EML6: variants seen among roughly 807,000 people sequenced by gnomAD.
EML6 encodes EMAP like 6.
A neutral mutation model predicts 240.1 loss-of-function variants in EML6; 154 were observed. The observed-to-expected ratio is 0.64, with a 90% CI of 0.56 to 0.73. The LOEUF is 0.73. Ranked by LOEUF, EML6 falls within the 30% of genes least tolerant of loss-of-function variation. The pLI is 0.00. For missense variants in EML6, 2,964 were observed against 2,474.6 expected (o/e 1.20, Z -4.20); for synonymous variants, 1,148 against 899.0 (o/e 1.28, Z -4.95).
At chr2:54,776,144 T>G (rs941925646) in intron 2 of EML6, among the ~76,000 whole-genome samples, 8 of 152,184 alleles carry the variant, frequency 5.3e-5, no homozygotes, top group African/African-American at 1.9e-4. Flanking sequence ...TTGTTGTGTT[T>G]TGTTTTGCCT....
chr2:54,801,632 C>T (rs73935221), intron 2 of EML6, among the ~76,000 whole-genome samples: 4,696 of 152,250 alleles, frequency 0.031, 247 homozygotes, highest in African/African-American at 0.11. Flanking sequence ...AAAGGAAAAT[C>T]GGTGACCTTG....
At chr2:54,958,621 A>T (rs1289676259) in intron 33 of EML6, among the ~76,000 whole-genome samples, 1 of 152,186 alleles carries the variant, frequency 6.6e-6, no homozygotes, top group East Asian at 1.9e-4. Context: ...TCCACTGTAG[A>T]TAATGATCCT....
Position 54,820,322 on chromosome 2 carries a change from A to G in EML6, c.457-72A>G, listed in dbSNP as rs536257489. ...TAAATGTTATAGTAGAGTCTTGGCAATTGGACTAGTATTGGGAAAAGGCAA... is the reference window on the plus strand; with the variant it reads ...TAAATGTTATAGTAGAGTCTTGGCAGTTGGACTAGTATTGGGAAAAGGCAA... On this transcript the variant is annotated intron_variant, in intron 4 of 41. Coordinates refer to ENST00000356458, the MANE Select transcript of EML6 (RefSeq NM_001039753.4). The G allele has an allele frequency of 6.3e-5, 53 of 836,896 alleles. 1 individual carries two copies. In the East Asian group the frequency reaches 1.3e-3, roughly 21 times the overall value. The allele number at this position is 836,896 out of a possible 1,614,324, so 51.8% of individuals were successfully genotyped here. A position where few individuals can be genotyped will look rare whatever the true frequency, so the allele number is the denominator to read the frequency against.
intron 30 of EML6, 140 bp from the exon 31 acceptor site, chr2:54,952,454 T>G: frequency 3.5e-6 from 2 of 573,678 alleles, no homozygotes; most frequent in South Asian, 4.8e-5. Flanking sequence ...TCCCCAAGTG[T>G]GATTCTGGAA....
intron 25 of EML6, among the ~76,000 whole-genome samples, chr2:54,915,949 A>G (rs1396121195): frequency 6.6e-6 from 1 of 152,204 alleles, no homozygotes; most frequent in Non-Finnish European, 1.5e-5. Flanking sequence ...GTTATTGTCT[A>G]TTATTGTTTT....
intron 25 of EML6, among the ~76,000 whole-genome samples, chr2:54,912,141 G>A (rs1448612469): frequency 6.6e-6 from 1 of 152,146 alleles, no homozygotes; most frequent in African/African-American, 2.4e-5. Flanking sequence ...CATTTGCATT[G>A]TCATTGTTTG....
chr2:54,743,026 C>T (rs373283064), intron 2 of EML6, among the ~76,000 whole-genome samples: 1 of 152,198 alleles, frequency 6.6e-6, no homozygotes, highest in Non-Finnish European at 1.5e-5. Flanking sequence ...AAATGCTTAT[C>T]ATATTAAACA....
chr2:54,788,734 C>T (rs1284457105), intron 2 of EML6, among the ~76,000 whole-genome samples: 1 of 152,174 alleles, frequency 6.6e-6, no homozygotes, highest in Non-Finnish European at 1.5e-5. Context: ...CGGTGGTGAA[C>T]ACTAATTGGC....
chr2:54,856,341 C>A (rs1359306338), intron 11 of EML6, among the ~76,000 whole-genome samples: 1 of 152,210 alleles, frequency 6.6e-6, no homozygotes, highest in African/African-American at 2.4e-5. Context: ...GTACGCACCC[C>A]TACTCCAATG....
intron 7 of EML6, among the ~76,000 whole-genome samples, chr2:54,840,599 C>T (rs1669392082): frequency 6.6e-6 from 1 of 152,162 alleles, no homozygotes; most frequent in Admixed American, 6.5e-5. Context: ...ATGAATATAT[C>T]CCATCTTTGA....
At position 54,861,205 on chromosome 2, in the gene EML6, T is replaced by G. The variant is rs557191376; in HGVS notation, c.1825+1504T>G. ...GAGCCTTTGCTCTGGCTCGCCCCAG[T>G]GATAAATCTAAGCCTACCCATACTT... On this transcript the variant is annotated intron_variant, in intron 12 of 41. Transcript: ENST00000356458. 1.7e-4 allele frequency among the ~76,000 whole-genome samples: 26 copies of G among 152,294 alleles called. 2 individuals are homozygous for G. Among genetic ancestry groups the G allele is most frequent in the African/African-American group, 6.3e-4 (26 of 41,570 alleles).
Position 54,962,790 on chromosome 2 carries a change from C to G in EML6, c.5157+79C>G, listed in dbSNP as rs1048863876. The G allele has an allele frequency of 2.4e-6, 3 of 1,239,266 alleles. No homozygotes were observed. The East Asian group carries it at 8.5e-5, about 35-fold the overall frequency. 76.8% of individuals were successfully genotyped at this position (1,239,266 alleles called of 1,614,324 possible). ...GGGAGCTGAGCGAGGAGAGGCCCAG[C>G]CAGCGTCATGGCAGAGACGGGGATG... On this transcript the variant is annotated intron_variant, in intron 36 of 41. Transcript: ENST00000356458.
chr2:54,968,631 G>A lies in EML6; in HGVS notation c.5752-37G>A, dbSNP rs114458258. 2.2e-3 allele frequency: 2,810 copies of A among 1,255,982 alleles called. 48 individuals are homozygous for A. In the African/African-American group the frequency reaches 0.036, roughly 16 times the overall value. The allele number at this position is 1,255,982 out of a possible 1,614,324, so 77.8% of individuals were successfully genotyped here. On this transcript the variant is annotated intron_variant, in intron 40 of 41. Transcript: ENST00000356458. Reference sequence around the variant, plus strand: ...AGTCTGTGGTTGCTGAGAGGAGCCAGGGTCTCTTAGCTGTCTCCATTCACT... The same window carrying A: ...AGTCTGTGGTTGCTGAGAGGAGCCAAGGTCTCTTAGCTGTCTCCATTCACT...
At chr2:54,857,853 G>A (rs1243076615) in intron 11 of EML6, among the ~76,000 whole-genome samples, 4 of 152,264 alleles carry the variant, frequency 2.6e-5, no homozygotes, top group South Asian at 2.1e-4. Flanking sequence ...GTGAGTGAGC[G>A]GGGAGAGAGG....
intron 3 of EML6, among the ~76,000 whole-genome samples, chr2:54,815,798 G>T (rs770256328): frequency 1.3e-5 from 2 of 152,186 alleles, no homozygotes; most frequent in Non-Finnish European, 2.9e-5. Flanking sequence ...TTAACCATAT[G>T]TGGCTGTCTG....
At chr2:54,876,283 G>A (rs1460984413) in intron 16 of EML6, among the ~76,000 whole-genome samples, 4 of 152,280 alleles carry the variant, frequency 2.6e-5, no homozygotes, top group African/African-American at 9.6e-5. Context: ...TTTCCAAACT[G>A]TGTAGTATAT....
At chr2:54,756,261 T>C (rs1192095677) in intron 2 of EML6, among the ~76,000 whole-genome samples, 2 of 152,198 alleles carry the variant, frequency 1.3e-5, no homozygotes, top group Non-Finnish European at 2.9e-5. Flanking sequence ...GCCCCTAAAA[T>C]TCCTCCTGCT....
chr2:54,854,897 G>A (rs1670289664), intron 11 of EML6, among the ~76,000 whole-genome samples: 1 of 152,216 alleles, frequency 6.6e-6, no homozygotes, highest in Non-Finnish European at 1.5e-5. Flanking sequence ...CAGGGGGTAA[G>A]TTAGGCCTCC....
intron 25 of EML6, among the ~76,000 whole-genome samples, chr2:54,914,694 C>CATTGAA (rs1673816151): frequency 6.6e-6 from 1 of 152,066 alleles, no homozygotes; most frequent in Non-Finnish European, 1.5e-5. Flanking sequence ...CTACTGAGAG[C>CATTGAA]ATTGAAGAGG....
Sources: gnomAD v4.1 joint callset for allele counts (sites outside exome capture counted in the v4.1 genomes callset) on GRCh38, gnomAD v4.1.1 for gene constraint, MANE v1.5 for transcripts, NCBI Gene and HGNC (gene_info 2026-07-23, HGNC 2026-07-21) for gene names.